MS4A14: variants seen among roughly 807,000 people sequenced by gnomAD.
MS4A14 encodes the protein membrane spanning 4-domains A14.
In MS4A14, 18 loss-of-function variants were observed where a neutral mutation model predicts 16.7. That is an observed-to-expected ratio of 1.08 (90% CI 0.75 to 1.60). MS4A14 has a LOEUF of 1.60. Ranked by LOEUF, MS4A14 falls within the 40% of genes most tolerant of loss-of-function variation. MS4A14 has a pLI of 0.00. For synonymous variants in MS4A14, 305 were observed against 289.4 expected (o/e 1.05, Z -0.55); for missense variants, 812 against 775.3 (o/e 1.05, Z -0.56).
At position 60,396,650 on chromosome 11, in the gene MS4A14, T is replaced by C. The variant is rs748976273; in HGVS notation, c.72T>C (p.Thr24=). The C allele has an allele frequency of 3.7e-6, 6 of 1,613,952 alleles. No homozygotes were observed. Among genetic ancestry groups the C allele is most frequent in the Non-Finnish European group, 5.1e-6 (6 of 1,179,962 alleles). ...ITIKPNETVL[T]AFPYRPHSSL... Reference sequence around the variant, plus strand: ...TAAAACCAAACGAAACTGTATTGACTGCATTTCCCTACAGACCTCATAGCT... The same window carrying C: ...TAAAACCAAACGAAACTGTATTGACCGCATTTCCCTACAGACCTCATAGCT... The change falls in exon 1 of 5, where the codon ACT becomes ACC. Residue 24 remains threonine, a synonymous_variant. Transcript: ENST00000300187.
chr11:60,403,777 C>T (rs778908266), intron 4 of MS4A14, among the ~76,000 whole-genome samples: 16 of 152,130 alleles, frequency 1.1e-4, no homozygotes, highest in Non-Finnish European at 2.1e-4. Context: ...TTTATTCCTA[C>T]CAGCTATATC....
At chr11:60,411,065 C>G (rs367771638) in intron 4 of MS4A14, among the ~76,000 whole-genome samples, 1 of 152,096 alleles carries the variant, frequency 6.6e-6, no homozygotes, top group African/African-American at 2.4e-5. Flanking sequence ...AGGCTCATCT[C>G]GAGCTCCTGA....
intron 4 of MS4A14, among the ~76,000 whole-genome samples, chr11:60,413,543 T>C (rs1364573025): frequency 6.6e-6 from 1 of 152,062 alleles, no homozygotes; most frequent in East Asian, 1.9e-4. Context: ...CATGCTTTCA[T>C]CTTTATCGTA....
At chr11:60,405,862 C>T (rs2085778816) in intron 4 of MS4A14, 9 of 1,447,764 alleles carry the variant, frequency 6.2e-6, no homozygotes, top group African/African-American at 1.4e-5. Context: ...ATTTCAAATA[C>T]CATTTATTTC....
chr11:60,398,185 GT>G, intron 2 of MS4A14: 1 of 454,164 alleles, frequency 2.2e-6, no homozygotes, highest in Non-Finnish European at 3.9e-6. Context: ...CTTAAAATTT[GT>G]TTCCAAAGCC....
chr11:60,416,203 C>T lies in MS4A14; in HGVS notation c.1235C>T (p.Ala412Val), dbSNP rs768485346. ...SQDMLSQALS[A>V]HAILPEASTS... ...GATATGCTATCCCAAGCTCTATCAG[C>T]GCATGCCATATTACCTGAAGCCTCA... is the stretch of plus-strand genomic sequence containing the variant. Residue 412 changes from alanine (A) to valine (V), a missense_variant, in exon 5 of 5, where the codon GCG becomes GTG. Transcript: ENST00000300187. The T allele has an allele frequency of 6.9e-5, 111 of 1,613,802 alleles. 1 individual carries two copies. The highest frequency in any genetic ancestry group is 2.5e-4 in the East Asian group (11 of 44,876).
intron 4 of MS4A14, among the ~76,000 whole-genome samples, chr11:60,413,668 A>T (rs2085898839): frequency 6.6e-6 from 1 of 152,110 alleles, no homozygotes; most frequent in African/African-American, 2.4e-5. Flanking sequence ...GTGAATACAG[A>T]TCTTTAATCC....
At chr11:60,402,354 C>T (rs4938940) in intron 3 of MS4A14, among the ~76,000 whole-genome samples, 7,637 of 152,100 alleles carry the variant, frequency 0.05, 522 homozygotes, top group African/African-American at 0.14. Context: ...GACTGTAAAC[C>T]ACATGATTGC....
chr11:60,398,109 G>A lies in MS4A14; in HGVS notation c.267+129G>A, dbSNP rs144161741. On this transcript the variant is annotated intron_variant, in intron 2 of 4. Transcript: ENST00000300187. ...GACCAAAAAAGGCAGCTCCCTTCAC[G>A]GCAAAAGAAGCAACTCCATTTGGTC... 88 of 861,074 alleles carry A rather than the reference G, an allele frequency of 1.0e-4. No individual in the cohort carries two copies. The African/African-American group carries it at 1.1e-3, about 10-fold the overall frequency. 53.3% of individuals were successfully genotyped at this position (861,074 alleles called of 1,614,324 possible). A position where few individuals can be genotyped will look rare whatever the true frequency, so the allele number is the denominator to read the frequency against.
intron 2 of MS4A14, among the ~76,000 whole-genome samples, chr11:60,399,508 T>C (rs2085679032): frequency 6.6e-6 from 1 of 152,182 alleles, no homozygotes; most frequent in South Asian, 2.1e-4. Context: ...TGTGAAAGCA[T>C]GGGAAAGCCA....
At chr11:60,404,139 C>T (rs988035615) in intron 4 of MS4A14, among the ~76,000 whole-genome samples, 7 of 152,142 alleles carry the variant, frequency 4.6e-5, no homozygotes, top group African/African-American at 1.4e-4. Context: ...TTCGTATATA[C>T]GAGGAAGAAC....
At chr11:60,396,799 AG>A in intron 1 of MS4A14, 83 bp downstream of exon 1, 1 of 1,383,082 alleles carries the variant, frequency 7.2e-7, no homozygotes, top group East Asian at 2.4e-5. Context: ...AGATATGCAG[AG>A]ATTATTTTCA....
At chr11:60,404,045 G>C (rs1451123118) in intron 4 of MS4A14, among the ~76,000 whole-genome samples, 1 of 152,170 alleles carries the variant, frequency 6.6e-6, no homozygotes, top group Non-Finnish European at 1.5e-5. Flanking sequence ...ATAAAACCCT[G>C]TCCTAACTGG....
At chr11:60,413,867 A>G (rs1346488498) in intron 4 of MS4A14, among the ~76,000 whole-genome samples, 2 of 152,098 alleles carry the variant, frequency 1.3e-5, no homozygotes, top group Non-Finnish European at 2.9e-5. Flanking sequence ...AGTAGGAAGT[A>G]GGTGACGTTA....
At chr11:60,402,798 A>G (rs1460192384) in intron 3 of MS4A14, 114 bp from the exon 4 acceptor site, 11 of 1,060,962 alleles carry the variant, frequency 1.0e-5, no homozygotes, top group African/African-American at 4.8e-5. Context: ...ACCTGATGGA[A>G]CAACTCTTCC....
At chr11:60,415,394 C>T in intron 4 of MS4A14, 43 bp from the exon 5 acceptor site, 2 of 1,524,566 alleles carry the variant, frequency 1.3e-6, no homozygotes, top group South Asian at 2.7e-5. Flanking sequence ...AAAAATCAGA[C>T]ATGATTCTGT....
intron 4 of MS4A14, among the ~76,000 whole-genome samples, chr11:60,410,127 GGGATTAAA>G (rs1368880862): frequency 6.6e-6 from 1 of 152,146 alleles, no homozygotes; most frequent in Non-Finnish European, 1.5e-5. Flanking sequence ...CCAAACTGCT[GGGATTAAA>G]GGCATGAGTC....
intron 4 of MS4A14, among the ~76,000 whole-genome samples, chr11:60,405,186 T>C (rs994121992): frequency 6.6e-6 from 1 of 152,008 alleles, no homozygotes; most frequent in African/African-American, 2.4e-5. Flanking sequence ...TTCAAGCAAT[T>C]CTCCTGCCTC....
Position 60,400,407 on chromosome 11 carries a change from A to G in MS4A14, c.271A>G (p.Ile91Val), listed in dbSNP as rs367787186. ...GYPFWGALIF[I>V]LTGYLTVTDK... ...TTGTCTCTTGTCTTCTTAACAGTTT[A>G]TTCTTACAGGATACCTCACAGTAAC... The change falls in exon 3 of 5, where the codon ATT becomes GTT. Residue 91 changes from isoleucine (I) to valine (V), a missense_variant. Ile to Val is a conservative substitution (Grantham distance 29). Transcript: ENST00000300187. 5.6e-6 allele frequency: 9 copies of G among 1,601,484 alleles called. No individual in the cohort carries two copies. The African/African-American group carries it at 1.1e-4, about 19-fold the overall frequency.
Sources: allele counts gnomAD v4.1 joint callset (sites outside exome capture counted in the v4.1 genomes callset), GRCh38; gene constraint gnomAD v4.1.1; transcripts MANE v1.5; gene names NCBI Gene and HGNC (gene_info 2026-07-23, HGNC 2026-07-21).